MITF: variants seen among roughly 807,000 people sequenced by gnomAD.
The protein encoded by MITF is melanocyte inducing transcription factor.
In MITF, 17 loss-of-function variants were observed where a neutral mutation model predicts 60.5. That is an observed-to-expected ratio of 0.28 (90% CI 0.19 to 0.42). The LOEUF (loss-of-function observed/expected upper bound fraction) is 0.42, where lower values mean the gene tolerates loss of function less well. Ranked by LOEUF, MITF falls within the 10% of genes least tolerant of loss-of-function variation. The pLI is 1.00. For synonymous variants in MITF, 260 were observed against 248.5 expected (o/e 1.05, Z -0.43); for missense variants, 622 against 683.5 (o/e 0.91, Z 1.00).
At chr3:69,833,716 A>T (rs1227394007) in intron 1 of MITF, among the ~76,000 whole-genome samples, 1 of 144,622 alleles carries the variant, frequency 6.9e-6, no homozygotes, top group African/African-American at 2.5e-5. Context: ...TTCTCTGTTT[A>T]CACTGTATGT....
At position 69,941,288 on chromosome 3, in the gene MITF, A is replaced by G. The variant is rs1285100292; in HGVS notation, c.719A>G (p.Glu240Gly). The G allele has an allele frequency of 6.2e-7, 1 of 1,613,388 alleles. No individual in the cohort carries two copies. Among genetic ancestry groups the G allele is most frequent in the Non-Finnish European group, 8.5e-7 (1 of 1,179,538 alleles). ...AGCCTAGAATCAAGTTATAATGAGG[A>G]AATCTTGGGCTTGATGGATCCTGCT... ...IISLESSYNE[E>G]ILGLMDPALQ... is the part of the protein sequence containing the mutation. The change falls in exon 5 of 10, where the codon GAA becomes GGA. Residue 240 changes from glutamate to glycine, a missense_variant. Glu to Gly is a moderately conservative substitution (Grantham distance 98). Transcript: ENST00000352241.
At chr3:69,935,097 T>C (rs1350326232) in intron 2 of MITF, among the ~76,000 whole-genome samples, 1 of 152,176 alleles carries the variant, frequency 6.6e-6, no homozygotes, top group African/African-American at 2.4e-5. Context: ...CTTATTACCT[T>C]CCTCGTAGCT....
intron 1 of MITF, among the ~76,000 whole-genome samples, chr3:69,762,133 G>C (rs928242493): frequency 2.0e-5 from 3 of 152,120 alleles, no homozygotes; most frequent in Non-Finnish European, 4.4e-5. Flanking sequence ...ACTTGTGGGT[G>C]TTAAGAGCAT....
intron 1 of MITF, among the ~76,000 whole-genome samples, chr3:69,778,512 G>A (rs771821866): frequency 6.6e-6 from 1 of 152,162 alleles, no homozygotes; most frequent in Non-Finnish European, 1.5e-5. Context: ...CATGATGTCA[G>A]AACCAGCATC....
intron 2 of MITF, among the ~76,000 whole-genome samples, chr3:69,902,219 C>A (rs781664300): frequency 6.6e-6 from 1 of 151,198 alleles, no homozygotes; most frequent in Non-Finnish European, 1.5e-5. Flanking sequence ...TTTAGTTTTT[C>A]TTTTTTTTTC....
chr3:69,850,585 A>G (rs560054391), intron 1 of MITF, among the ~76,000 whole-genome samples: 1 of 152,330 alleles, frequency 6.6e-6, no homozygotes, highest in South Asian at 2.1e-4. Flanking sequence ...AAAAACCTGC[A>G]AAGGAAAGAT....
At chr3:69,827,270 A>T (rs1384394045) in intron 1 of MITF, among the ~76,000 whole-genome samples, 3 of 152,176 alleles carry the variant, frequency 2.0e-5, no homozygotes, top group Non-Finnish European at 2.9e-5. Flanking sequence ...TCTCCTAAAG[A>T]TGTGGATGTG....
At chr3:69,910,741 C>G (rs1031830929) in intron 2 of MITF, among the ~76,000 whole-genome samples, 3 of 152,144 alleles carry the variant, frequency 2.0e-5, no homozygotes, top group African/African-American at 7.2e-5. Context: ...GCCAATTTAT[C>G]CCATTTGGAA....
At chr3:69,827,679 T>A (rs546204339) in intron 1 of MITF, among the ~76,000 whole-genome samples, 1 of 152,262 alleles carries the variant, frequency 6.6e-6, no homozygotes, top group African/African-American at 2.4e-5. Context: ...TTTAAACACT[T>A]CCATTGAATC....
At chr3:69,957,584 A>G (rs1268074675) in intron 8 of MITF, among the ~76,000 whole-genome samples, 1 of 152,198 alleles carries the variant, frequency 6.6e-6, no homozygotes, top group Non-Finnish European at 1.5e-5. Context: ...TTATCCTACT[A>G]AAGGGCTGTG....
chr3:69,851,006 G>T (rs1362577931), intron 1 of MITF, among the ~76,000 whole-genome samples: 1 of 152,086 alleles, frequency 6.6e-6, no homozygotes, highest in African/African-American at 2.4e-5. Context: ...GGCTGGTTGG[G>T]CATCATTGCT....
At chr3:69,775,502 C>G (rs2062459601) in intron 1 of MITF, among the ~76,000 whole-genome samples, 1 of 152,126 alleles carries the variant, frequency 6.6e-6, no homozygotes. Flanking sequence ...CTGCAAAAAC[C>G]AAAACCCAAT....
At chr3:69,923,457 G>A (rs2065514255) in intron 2 of MITF, among the ~76,000 whole-genome samples, 2 of 152,260 alleles carry the variant, frequency 1.3e-5, no homozygotes, top group South Asian at 4.2e-4. Flanking sequence ...CAATTCTCCT[G>A]CCTCAGCCTC....
chr3:69,955,694 A>G (rs952227546), intron 7 of MITF, among the ~76,000 whole-genome samples: 2 of 152,102 alleles, frequency 1.3e-5, no homozygotes, highest in Non-Finnish European at 2.9e-5. Context: ...ATGTGCCTGT[A>G]GTCCCAGCTA....
chr3:69,939,228 A>G (rs1449830812), intron 4 of MITF, 47 bp downstream of exon 4: 6 of 1,539,704 alleles, frequency 3.9e-6, no homozygotes, highest in Non-Finnish European at 5.4e-6. Flanking sequence ...TGTAATGAGA[A>G]TCTATATTTG....
chr3:69,778,085 A>T (rs2106864032), intron 1 of MITF, among the ~76,000 whole-genome samples: 1 of 152,090 alleles, frequency 6.6e-6, no homozygotes, highest in South Asian at 2.1e-4. Flanking sequence ...GAGCTGAGAG[A>T]TATCAGGGAA....
At chr3:69,899,527 G>C (rs1277952494) in intron 2 of MITF, among the ~76,000 whole-genome samples, 2 of 152,194 alleles carry the variant, frequency 1.3e-5, no homozygotes, top group African/African-American at 4.8e-5. Context: ...GCGTAAACCT[G>C]TTAGACCTTT....
chr3:69,762,138 G>C (rs1459328438), intron 1 of MITF, among the ~76,000 whole-genome samples: 3 of 152,114 alleles, frequency 2.0e-5, no homozygotes, highest in Non-Finnish European at 4.4e-5. Context: ...TGGGTGTTAA[G>C]AGCATTAGTC....
chr3:69,962,574 C>T (rs1028342253), intron 9 of MITF, among the ~76,000 whole-genome samples: 1 of 152,110 alleles, frequency 6.6e-6, no homozygotes, highest in Admixed American at 6.5e-5. Flanking sequence ...GAGTCCTTCC[C>T]CTCTCTGATA....
Sources: gnomAD v4.1 joint callset for allele counts (sites outside exome capture counted in the v4.1 genomes callset) on GRCh38, gnomAD v4.1.1 for gene constraint, MANE v1.5 for transcripts, NCBI Gene and HGNC (gene_info 2026-07-23, HGNC 2026-07-21) for gene names.